Variants in VSTM2A observed in about 807,000 individuals in gnomAD.
VSTM2A encodes V-set and transmembrane domain-containing protein 2A.
VSTM2A carries 13 observed loss-of-function variants against 27.3 expected under a neutral mutation model. The ratio of observed to expected loss-of-function variants is 0.48; its 90% CI spans 0.31 to 0.76. VSTM2A has a LOEUF of 0.76. Among genes scored for constraint, VSTM2A ranks in the 30% least tolerant of loss-of-function variants. The pLI is 0.05. For synonymous variants in VSTM2A, 142 were observed against 125.7 expected (o/e 1.13, Z -0.87); for missense variants, 280 against 310.0 (o/e 0.90, Z 0.73).
intron 4 of VSTM2A, chr7:54,550,425 C>A: frequency 1.0e-6 from 1 of 966,174 alleles, no homozygotes; most frequent in Non-Finnish European, 1.4e-6. Context: ...TGGTTTTTAT[C>A]CTTTCTGTAT....
At chr7:54,552,107 C>A (rs1185062373) in intron 4 of VSTM2A, 1 of 152,110 alleles carries the variant, frequency 6.6e-6, no homozygotes, top group African/African-American at 2.4e-5. Flanking sequence ...CTTTTTGCAT[C>A]CCATTGCCAG....
At chr7:54,564,741 G>A (rs75064283) in intron 4 of VSTM2A, among the ~76,000 whole-genome samples, 7,149 of 152,218 alleles carry the variant, frequency 0.047, 438 homozygotes, top group African/African-American at 0.13. Context: ...GCTTGGAAAA[G>A]AGGTTTTTGA....
chr7:54,548,380 GA>G (rs1425359552), intron 3 of VSTM2A, among the ~76,000 whole-genome samples: 2 of 151,826 alleles, frequency 1.3e-5, no homozygotes, highest in East Asian at 3.8e-4. Context: ...GTGTGACCTT[GA>G]ACATATTTTC....
chr7:54,559,587 G>T (rs114642795), intron 4 of VSTM2A: 1 of 152,150 alleles, frequency 6.6e-6, no homozygotes, highest in African/African-American at 2.4e-5. Flanking sequence ...TGTCAGGGAA[G>T]AGTACTCACA....
chr7:54,561,818 A>G (rs1788570557), intron 4 of VSTM2A, among the ~76,000 whole-genome samples: 1 of 152,228 alleles, frequency 6.6e-6, no homozygotes, highest in Admixed American at 6.5e-5. Context: ...TTCTGAAGCC[A>G]TGTAATTTAT....
chr7:54,542,521 G>A lies in VSTM2A; in HGVS notation c.-210G>A, dbSNP rs186466617. ...CAGCGATTCCAGCCTGGGCTCCGCA[G>A]GAAGCCTCGCTGAATCCCAGCCAGC... On this transcript the variant is annotated 5_prime_UTR_variant, in exon 1 of 5. Coordinates refer to ENST00000402613, the MANE Select transcript of VSTM2A (RefSeq NM_001301009.2). 958 of 572,250 alleles carry A rather than the reference G, an allele frequency of 1.7e-3. 9 individuals carry two copies. The highest frequency in any genetic ancestry group is 0.016 in the African/African-American group (867 of 52,834). The allele number at this position is 572,250 out of a possible 1,614,324, so 35.4% of individuals were successfully genotyped here. A position where few individuals can be genotyped will look rare whatever the true frequency, so the allele number is the denominator to read the frequency against.
intron 4 of VSTM2A, chr7:54,552,225 T>C (rs1441057873): frequency 1.3e-5 from 2 of 152,230 alleles, no homozygotes; most frequent in African/African-American, 4.8e-5. Context: ...ACTAAACATA[T>C]CTGCTTATAT....
intron 4 of VSTM2A, among the ~76,000 whole-genome samples, chr7:54,561,134 A>G (rs1469398828): frequency 6.6e-6 from 1 of 152,226 alleles, no homozygotes; most frequent in East Asian, 1.9e-4. Flanking sequence ...ATAGAAAAAA[A>G]AAGTTTAGAA....
At chr7:54,554,307 C>T (rs1012779426) in intron 4 of VSTM2A, among the ~76,000 whole-genome samples, 3 of 152,126 alleles carry the variant, frequency 2.0e-5, no homozygotes, top group African/African-American at 7.2e-5. Flanking sequence ...CAACTAAATT[C>T]CTCTCTTAAA....
rs1554333623 is a variant in VSTM2A, at chr7:54,569,557, C to G, written c.*338C>G. The G allele has an allele frequency of 4.5e-6, 1 of 222,500 alleles. No homozygotes were observed. Among genetic ancestry groups the G allele is most frequent in the Non-Finnish European group, 8.8e-6 (1 of 113,096 alleles). 13.8% of individuals were successfully genotyped at this position (222,500 alleles called of 1,614,324 possible). ...AGAAGCTATCATCAGACAAAACCCC[C>G]TTTTTAGGGGAAGAACAAAACTATC... On this transcript the variant is annotated 3_prime_UTR_variant, in exon 5 of 5. Coordinates refer to ENST00000402613, the MANE Select transcript of VSTM2A (RefSeq NM_001301009.2).
At position 54,570,781 on chromosome 7, in the gene VSTM2A, C is replaced by T. The variant is rs868470091; in HGVS notation, c.*1562C>T. 6.6e-6 allele frequency: 1 copy of T among 152,212 alleles called. No individual in the cohort carries two copies. The highest frequency in any genetic ancestry group is 3.4e-3 in the Middle Eastern group (1 of 294). The allele number at this position is 152,212 out of a possible 1,614,324, so 9.4% of individuals were successfully genotyped here. A position where few individuals can be genotyped will look rare whatever the true frequency, so the allele number is the denominator to read the frequency against. ...AGTTTTCCTTCCAGAGAGACTCTTCCATTTTCTCTCATTACAAAACCAGAA... is the reference window on the plus strand; with the variant it reads ...AGTTTTCCTTCCAGAGAGACTCTTCTATTTTCTCTCATTACAAAACCAGAA... On this transcript the variant is annotated 3_prime_UTR_variant, in exon 5 of 5. Transcript: ENST00000402613.
Position 54,550,141 on chromosome 7 carries a change from C to T in VSTM2A, c.605C>T (p.Ala202Val), listed in dbSNP as rs1486464516. The T allele has an allele frequency of 1.9e-6, 3 of 1,602,092 alleles. No individual in the cohort carries two copies. Among genetic ancestry groups the T allele is most frequent in the South Asian group, 1.1e-5 (1 of 88,654 alleles). The change falls in exon 4 of 5, where the codon GCC becomes GTC. Residue 202 changes from alanine (A) to valine (V), a missense_variant. By Grantham distance (64) the Ala-to-Val change is moderately conservative (BLOSUM62 0). Coordinates refer to ENST00000402613, the MANE Select transcript of VSTM2A (RefSeq NM_001301009.2). ...THSTSSPQVV[A>V]KIPKQSPQSA... ...TCCACCTCCAGCCCTCAAGTGGTAG[C>T]CAAAATCCCCAAACAAAGTCCACAA...
In VSTM2A at chr7:54,542,727, T is replaced by A; in HGVS notation, c.-4T>A. Reference sequence around the variant, plus strand: ...CACTGATGTGACCCCCCTCCCTTTTTGGAATGATGGGGATCTTTTTGGTGT... The same window carrying A: ...CACTGATGTGACCCCCCTCCCTTTTAGGAATGATGGGGATCTTTTTGGTGT... On this transcript the variant is annotated 5_prime_UTR_variant, in exon 1 of 5. Transcript: ENST00000402613. 1 of 1,613,612 alleles carries A rather than the reference T, an allele frequency of 6.2e-7. No homozygotes were observed. The highest frequency in any genetic ancestry group is 8.5e-7 in the Non-Finnish European group (1 of 1,179,656).
intron 4 of VSTM2A, among the ~76,000 whole-genome samples, chr7:54,564,261 GGAGTCA>G (rs901722584): frequency 1.1e-4 from 17 of 152,246 alleles, no homozygotes; most frequent in African/African-American, 4.1e-4. Flanking sequence ...CAAAGATTCT[GGAGTCA>G]GACCATGCAG....
At position 54,542,627 on chromosome 7, in the gene VSTM2A, C is replaced by T. The variant is rs1225962892; in HGVS notation, c.-104C>T. ...GCAAGCAGCAGGATGTTTGCAGTGT[C>T]GCGCCCAGGGCTCTGAGACTGAGCC... On this transcript the variant is annotated 5_prime_UTR_variant, in exon 1 of 5. Transcript: ENST00000402613. 7.0e-6 allele frequency: 7 copies of T among 996,358 alleles called. No homozygotes were observed. Among genetic ancestry groups the T allele is most frequent in the East Asian group, 4.8e-5 (2 of 41,962 alleles). The allele number at this position is 996,358 out of a possible 1,614,324, so 61.7% of individuals were successfully genotyped here.
At chr7:54,550,393 A>G (rs1788152510) in intron 4 of VSTM2A, 2 of 1,291,354 alleles carry the variant, frequency 1.5e-6, no homozygotes, top group Non-Finnish European at 2.0e-6. Context: ...CTTCATTTCC[A>G]GGGCATCTGA....
At chr7:54,555,810 A>C (rs1457388823) in intron 4 of VSTM2A, among the ~76,000 whole-genome samples, 1 of 152,156 alleles carries the variant, frequency 6.6e-6, no homozygotes, top group African/African-American at 2.4e-5. Flanking sequence ...ATAATTAGAT[A>C]ATTTTACCAC....
At chr7:54,555,389 T>C (rs1435156864) in intron 4 of VSTM2A, among the ~76,000 whole-genome samples, 1 of 152,220 alleles carries the variant, frequency 6.6e-6, no homozygotes, top group Non-Finnish European at 1.5e-5. Context: ...TCTCATTCAG[T>C]CTTTCCATTT....
Position 54,549,817 on chromosome 7 carries a change from T to A in VSTM2A, c.298-17T>A. On this transcript the variant is annotated splice_polypyrimidine_tract_variant and intron_variant, in intron 3 of 4. Transcript: ENST00000402613. The stretch of plus-strand genomic sequence containing the variant: ...TGATGTAGCACTTTATTGTTTTTTT[T>A]ACCTGCAATTTTTCAGACAGTGAAA... 6.4e-7 allele frequency: 1 copy of A among 1,558,658 alleles called. No homozygotes were observed. Among genetic ancestry groups the A allele is most frequent in the Middle Eastern group, 1.7e-4 (1 of 5,776 alleles).
Sources: allele counts gnomAD v4.1 joint callset (sites outside exome capture counted in the v4.1 genomes callset), GRCh38; gene constraint gnomAD v4.1.1; transcripts MANE v1.5; gene names NCBI Gene and HGNC (gene_info 2026-07-23, HGNC 2026-07-21).